RNF128: variants seen among roughly 807,000 people sequenced by gnomAD.
RNF128 encodes E3 ubiquitin-protein ligase RNF128.
RNF128 carries 13 observed loss-of-function variants against 26.2 expected under a neutral mutation model. The observed-to-expected ratio is 0.50, with a 90% CI of 0.32 to 0.79. The LOEUF is 0.79. Ranked by LOEUF, RNF128 falls within the 30% of genes least tolerant of loss-of-function variation. The pLI is 0.03. For missense variants in RNF128, 315 were observed against 349.7 expected (o/e 0.90, Z 0.79); for synonymous variants, 149 against 142.5 (o/e 1.05, Z -0.32).
chrX:106,718,201 A>G (rs1368178348), intron 1 of RNF128, among the ~76,000 whole-genome samples: 2 of 112,053 alleles, frequency 1.8e-5, no homozygotes, highest in Non-Finnish European at 3.8e-5. Context: ...AAATACCTCC[A>G]TCATCACCTA....
chrX:106,735,209 G>A (rs1004181663), intron 1 of RNF128, among the ~76,000 whole-genome samples: 1 of 111,803 alleles, frequency 8.9e-6, no homozygotes, highest in Non-Finnish European at 1.9e-5. Flanking sequence ...CTTGATGAAG[G>A]TTGTTAGCTC....
At position 106,752,983 on chromosome X, in the gene RNF128, T is replaced by G. The variant is rs1256984652; in HGVS notation, c.485-19930T>G. On this transcript the variant is annotated intron_variant, in intron 1 of 6. Coordinates refer to ENST00000255499, the MANE Select transcript of RNF128 (RefSeq NM_194463.2). ...CAAGCAGAAGAAAAAAGTATTGAGC[T>G]TGAAGAGGGGCTGTTTGAAAATACA... Among the ~76,000 whole-genome samples the G allele has an allele frequency of 1.6e-4, 18 of 111,194 alleles. No homozygotes were observed. The Admixed American group carries it at 1.7e-3, about 11-fold the overall frequency.
At chrX:106,746,059 C>A (rs1929790223) in intron 1 of RNF128, among the ~76,000 whole-genome samples, 1 of 111,292 alleles carries the variant, frequency 9.0e-6, no homozygotes, top group South Asian at 3.7e-4. Context: ...TACGTTGGAA[C>A]TCTTTACACC....
At chrX:106,699,495 G>A (rs1056093220) in intron 1 of RNF128, among the ~76,000 whole-genome samples, 20 of 110,755 alleles carry the variant, frequency 1.8e-4, no homozygotes, top group East Asian at 2.8e-4. Context: ...ACAGGCTACC[G>A]CCAGCTCTCG....
chrX:106,726,494 C>G (rs912833631), upstream of RNF128, among the ~76,000 whole-genome samples: 20 of 112,228 alleles, frequency 1.8e-4, no homozygotes, highest in African/African-American at 6.5e-4. Context: ...TGTTTGCGGA[C>G]TTTATCGTTC....
chrX:106,699,789 T>G (rs1312066036), intron 1 of RNF128, among the ~76,000 whole-genome samples: 2 of 111,351 alleles, frequency 1.8e-5, no homozygotes, highest in African/African-American at 6.5e-5. Flanking sequence ...CTTCGGACAT[T>G]TTCTCCAACA....
chrX:106,755,060 A>C (rs1197643918), intron 1 of RNF128, among the ~76,000 whole-genome samples: 1 of 112,006 alleles, frequency 8.9e-6, no homozygotes, highest in Non-Finnish European at 1.9e-5. Flanking sequence ...CAAATAGATA[A>C]AGATGAAAAA....
At chrX:106,784,150 G>A (rs1930611437) in intron 2 of RNF128, among the ~76,000 whole-genome samples, 1 of 111,904 alleles carries the variant, frequency 8.9e-6, no homozygotes, top group African/African-American at 3.2e-5. Flanking sequence ...CCTGTCTGTA[G>A]TAGACCTTAG....
intron 1 of RNF128, among the ~76,000 whole-genome samples, chrX:106,736,602 A>G (rs1356590563): frequency 1.8e-5 from 2 of 111,334 alleles, no homozygotes; most frequent in Admixed American, 9.6e-5. Context: ...TTACTCCCAT[A>G]AATTCTATAA....
chrX:106,784,612 T>G (rs1930620612), intron 2 of RNF128, among the ~76,000 whole-genome samples: 1 of 111,809 alleles, frequency 8.9e-6, no homozygotes, highest in African/African-American at 3.2e-5. Flanking sequence ...CGTGCAGGGT[T>G]ATTCATTGAG....
intron 1 of RNF128, among the ~76,000 whole-genome samples, chrX:106,753,668 A>T (rs1172344774): frequency 8.9e-6 from 1 of 111,782 alleles, no homozygotes; most frequent in Non-Finnish European, 1.9e-5. Flanking sequence ...AGAATGGCTG[A>T]ATGCATTAAA....
intron 1 of RNF128, among the ~76,000 whole-genome samples, chrX:106,705,347 C>T (rs1440183536): frequency 1.9e-4 from 21 of 111,929 alleles, no homozygotes. Context: ...TTTGTTATGA[C>T]TAATGCTAAT....
intron 4 of RNF128, among the ~76,000 whole-genome samples, chrX:106,789,259 C>G (rs1402617443): frequency 1.0e-5 from 1 of 95,691 alleles, no homozygotes; most frequent in East Asian, 3.2e-4. Flanking sequence ...AATAGATGCT[C>G]ATAACTTGAT....
At chrX:106,790,879 T>C (rs1020386061) in intron 5 of RNF128, among the ~76,000 whole-genome samples, 187 bp from the exon 6 acceptor site, 1 of 110,554 alleles carries the variant, frequency 9.0e-6, no homozygotes, top group African/African-American at 3.3e-5. Flanking sequence ...TTCATCCCAT[T>C]GGTGGACCCA....
At chrX:106,731,017 A>G (rs1234322600) in intron 1 of RNF128, among the ~76,000 whole-genome samples, 6 of 112,241 alleles carry the variant, frequency 5.3e-5, no homozygotes, top group Non-Finnish European at 9.4e-5. Context: ...GTTTTCTCCT[A>G]TGTAAGGTAG....
chrX:106,781,360 T>C (rs1476638262), intron 2 of RNF128, among the ~76,000 whole-genome samples: 1 of 112,040 alleles, frequency 8.9e-6, no homozygotes, highest in Non-Finnish European at 1.9e-5. Context: ...AAGGTACAAA[T>C]TACAGTTCAC....
intron 2 of RNF128, 58 bp downstream of exon 2, chrX:106,773,218 T>C: frequency 9.2e-7 from 1 of 1,083,577 alleles, no homozygotes; most frequent in East Asian, 3.0e-5. Context: ...AATTGTAGTT[T>C]CAGGGTCCTG....
chrX:106,697,993 C>T (rs1248677048), intron 1 of RNF128, among the ~76,000 whole-genome samples: 5 of 107,156 alleles, frequency 4.7e-5, no homozygotes, highest in African/African-American at 1.0e-4. Context: ...GATTTTGACT[C>T]GGCATTTTGA....
chrX:106,694,032 T>C, exon 1 of RNF128: 1 of 1,202,140 alleles, frequency 8.3e-7, no homozygotes, highest in Non-Finnish European at 1.1e-6. Flanking sequence ...CCAGTTTTTT[T>C]TGGCTCCTTG....
Sources: allele counts gnomAD v4.1 joint callset (sites outside exome capture counted in the v4.1 genomes callset), GRCh38; gene constraint gnomAD v4.1.1; transcripts MANE v1.5; gene names NCBI Gene and HGNC (gene_info 2026-07-23, HGNC 2026-07-21).